NCKAP5: variants seen among roughly 807,000 people sequenced by gnomAD.
The protein encoded by NCKAP5 is nck-associated protein 5.
Under a neutral mutation model 167.0 loss-of-function variants are expected in NCKAP5, and 92 were observed. That is an observed-to-expected ratio of 0.55 (90% CI 0.47 to 0.66). The LOEUF (loss-of-function observed/expected upper bound fraction) is 0.66, where lower values mean the gene tolerates loss of function less well. Among genes scored for constraint, NCKAP5 ranks in the 30% least tolerant of loss-of-function variants. The pLI is 0.00. For missense variants in NCKAP5, 2,378 were observed against 2,315.0 expected (o/e 1.03, Z -0.56); for synonymous variants, 891 against 877.4 (o/e 1.02, Z -0.27).
At chr2:133,360,939 T>C (rs1301556102) in intron 3 of NCKAP5, among the ~76,000 whole-genome samples, 1 of 137,376 alleles carries the variant, frequency 7.3e-6, no homozygotes, top group African/African-American at 2.7e-5. Context: ...GTCTTCCCAT[T>C]AAAAAAAAAA....
chr2:132,712,444 G>A (rs183660556), intron 19 of NCKAP5, among the ~76,000 whole-genome samples: 525 of 152,306 alleles, frequency 3.4e-3, no homozygotes, highest in Middle Eastern at 6.8e-3. Context: ...GAGGTCAGGA[G>A]ATTGGGACCA....
chr2:133,092,817 T>C (rs886320497), intron 6 of NCKAP5, among the ~76,000 whole-genome samples: 6 of 152,182 alleles, frequency 3.9e-5, no homozygotes, highest in South Asian at 2.1e-4. Flanking sequence ...AGTAACACCA[T>C]TCCTTTCAAT....
At chr2:133,497,624 C>T (rs1682058977) in intron 3 of NCKAP5, among the ~76,000 whole-genome samples, 1 of 152,190 alleles carries the variant, frequency 6.6e-6, no homozygotes, top group African/African-American at 2.4e-5. Flanking sequence ...CTATAGGATC[C>T]TTGTCCTGTG....
At chr2:133,410,184 C>T (rs997871577) in intron 3 of NCKAP5, among the ~76,000 whole-genome samples, 4 of 152,186 alleles carry the variant, frequency 2.6e-5, no homozygotes, top group Admixed American at 2.0e-4. Context: ...ATGATTTAAC[C>T]ATCTACTACA....
chr2:132,895,053 C>T (rs12469648), intron 8 of NCKAP5, among the ~76,000 whole-genome samples: 28,040 of 151,974 alleles, frequency 0.18, 2,921 homozygotes, highest in East Asian at 0.41. Context: ...AAATAAGGGC[C>T]GGGCGCAGTG....
At chr2:132,713,729 T>C (rs1689089965) in intron 19 of NCKAP5, among the ~76,000 whole-genome samples, 1 of 150,902 alleles carries the variant, frequency 6.6e-6, no homozygotes, top group Non-Finnish European at 1.5e-5. Context: ...AAAAAAGAGC[T>C]CTTATTTTAA....
chr2:132,770,690 C>A (rs1681965416), intron 16 of NCKAP5, among the ~76,000 whole-genome samples: 1 of 152,068 alleles, frequency 6.6e-6, no homozygotes, highest in African/African-American at 2.4e-5. Context: ...ATGAGGGAAA[C>A]ATTCATAAAG....
intron 5 of NCKAP5, among the ~76,000 whole-genome samples, chr2:133,142,036 A>T (rs952024279): frequency 2.0e-5 from 3 of 152,190 alleles, no homozygotes; most frequent in Non-Finnish European, 2.9e-5. Context: ...AATATTAAAG[A>T]ATTAGAGATT....
chr2:132,937,798 T>G (rs1442488358), intron 8 of NCKAP5, among the ~76,000 whole-genome samples: 1 of 152,250 alleles, frequency 6.6e-6, no homozygotes, highest in Non-Finnish European at 1.5e-5. Flanking sequence ...CACCAAAGAT[T>G]TGTGGCTGGC....
At chr2:133,212,427 G>T (rs1341384195) in intron 5 of NCKAP5, among the ~76,000 whole-genome samples, 1 of 152,128 alleles carries the variant, frequency 6.6e-6, no homozygotes, top group East Asian at 1.9e-4. Context: ...GAGTGCAATG[G>T]CACAATCTCG....
At chr2:133,070,680 T>G (rs1438216498) in intron 6 of NCKAP5, among the ~76,000 whole-genome samples, 1 of 152,102 alleles carries the variant, frequency 6.6e-6, no homozygotes, top group Non-Finnish European at 1.5e-5. Flanking sequence ...CAAGAAGTTA[T>G]ACACTCCTCC....
chr2:132,885,200 GAA>G (rs34847394), intron 8 of NCKAP5, among the ~76,000 whole-genome samples: 1 of 143,216 alleles, frequency 7.0e-6, no homozygotes, highest in African/African-American at 2.6e-5. Flanking sequence ...AGGCAACAGA[GAA>G]AAAAAAAACA....
intron 7 of NCKAP5, among the ~76,000 whole-genome samples, chr2:132,965,771 T>C (rs2076642402): frequency 6.6e-6 from 1 of 152,168 alleles, no homozygotes. Flanking sequence ...CTGTACTGAA[T>C]ACTGTAGGCA....
chr2:132,843,197 T>C (rs1688418967), intron 11 of NCKAP5, among the ~76,000 whole-genome samples: 1 of 152,182 alleles, frequency 6.6e-6, no homozygotes. Flanking sequence ...GTGGTTTGTA[T>C]ATGGCTATTA....
intron 4 of NCKAP5, among the ~76,000 whole-genome samples, chr2:133,292,839 T>C (rs1679696901): frequency 6.6e-6 from 1 of 152,244 alleles, no homozygotes; most frequent in East Asian, 1.9e-4. Context: ...ATCAATTTTA[T>C]ATCTTTGTTG....
chr2:133,475,181 C>A (rs2151296378), intron 3 of NCKAP5, among the ~76,000 whole-genome samples: 1 of 152,162 alleles, frequency 6.6e-6, no homozygotes, highest in East Asian at 1.9e-4. Flanking sequence ...AATGTAAAAC[C>A]ATATGCTGGC....
At chr2:133,480,434 G>A (rs1411416203) in intron 3 of NCKAP5, among the ~76,000 whole-genome samples, 1 of 152,062 alleles carries the variant, frequency 6.6e-6, no homozygotes, top group Admixed American at 6.5e-5. Context: ...TTTGGTAACA[G>A]CACCCTTCCT....
chr2:133,152,137 T>G (rs184991840), intron 5 of NCKAP5, among the ~76,000 whole-genome samples: 1 of 152,216 alleles, frequency 6.6e-6, no homozygotes, highest in East Asian at 1.9e-4. Flanking sequence ...CTCTGTTTAC[T>G]TAAAGCAGAA....
intron 2 of NCKAP5, among the ~76,000 whole-genome samples, chr2:133,530,933 G>A (rs1487117866): frequency 6.6e-6 from 1 of 152,162 alleles, no homozygotes; most frequent in African/African-American, 2.4e-5. Context: ...CAAATACTGA[G>A]ATAAACAGAG....
Sources: allele counts gnomAD v4.1 joint callset (sites outside exome capture counted in the v4.1 genomes callset), GRCh38; gene constraint gnomAD v4.1.1; transcripts MANE v1.5; gene names NCBI Gene and HGNC (gene_info 2026-07-23, HGNC 2026-07-21).